PDZRN3: variants seen among roughly 807,000 people sequenced by gnomAD.
PDZRN3 encodes the protein E3 ubiquitin-protein ligase PDZRN3.
Under a neutral mutation model 85.7 loss-of-function variants are expected in PDZRN3, and 38 were observed. The observed-to-expected ratio is 0.44, with a 90% confidence interval of 0.34 to 0.58. The LOEUF (loss-of-function observed/expected upper bound fraction) is 0.58. Ranked by LOEUF, PDZRN3 falls within the 20% of genes least tolerant of loss-of-function variation. The pLI, the probability that PDZRN3 is intolerant of heterozygous loss-of-function variation, is 0.01. For missense variants in PDZRN3, 1,629 were observed against 1,506.4 expected, an observed-to-expected ratio of 1.08 and a Z score of -1.35; for synonymous variants, 759 against 638.0, an observed-to-expected ratio of 1.19 and a Z score of -2.86.
chr3:73,509,503 C>T (rs4676929), intron 3 of PDZRN3, among the ~76,000 whole-genome samples: 144,325 of 152,264 alleles, frequency 0.95, 68,866 homozygotes, highest in Non-Finnish European at 1. Flanking sequence ...GAGATGGTGG[C>T]TCATGTCCCT....
rs1247844103 is a variant in PDZRN3, at chr3:73,624,864, G to A, written c.-39C>T. ...CCCCGGGGTCGCCGCCGGGCGGCCG[G>A]GCGCCCCCTCCCTCCCCACGAGGCG... On this transcript the variant is annotated 5_prime_UTR_variant, in exon 1 of 10. Coordinates refer to ENST00000263666, the MANE Select transcript of PDZRN3 (RefSeq NM_015009.3). The A allele has an allele frequency of 2.6e-5, 33 of 1,266,290 alleles. No homozygotes were observed. Among genetic ancestry groups the A allele is most frequent in the Non-Finnish European group, 3.1e-5 (31 of 1,008,432 alleles). The allele number at this position is 1,266,290 out of a possible 1,614,324, so 78.4% of individuals were successfully genotyped here.
chr3:73,515,911 T>A (rs1452637975), intron 3 of PDZRN3, among the ~76,000 whole-genome samples: 4 of 152,098 alleles, frequency 2.6e-5, no homozygotes, highest in Admixed American at 2.6e-4. Context: ...GTCCCCAAAG[T>A]TTAACTACTG....
intron 3 of PDZRN3, among the ~76,000 whole-genome samples, chr3:73,495,881 G>T (rs1327149945): frequency 1.3e-5 from 2 of 152,170 alleles, no homozygotes; most frequent in South Asian, 2.1e-4. Context: ...TTTAAGGAAG[G>T]TTGCCTAATT....
chr3:73,624,277 C>A lies in PDZRN3; in HGVS notation c.549G>T (p.Ala183=), dbSNP rs780992518. Residue 183 remains alanine (A), a synonymous_variant, in exon 1 of 10, where the codon GCG becomes GCT. Transcript: ENST00000263666. ...LQARLGALHK[A]LKKEALRAGK... The stretch of plus-strand genomic sequence containing the variant: ...CAGCGCGCAGCGCCTCCTTCTTGAG[C>A]GCCTTGTGCAGCGCGCCCAGGCGGG... The A allele has an allele frequency of 2.9e-6, 4 of 1,391,282 alleles. No individual in the cohort carries two copies. Among genetic ancestry groups the A allele is most frequent in the Non-Finnish European group, 3.7e-6 (4 of 1,079,988 alleles). 86.2% of individuals were successfully genotyped at this position (1,391,282 alleles called of 1,614,324 possible). A position where few individuals can be genotyped will look rare whatever the true frequency, so the allele number is the denominator to read the frequency against.
At chr3:73,426,693 T>C (rs891873125) in intron 3 of PDZRN3, among the ~76,000 whole-genome samples, 1 of 152,170 alleles carries the variant, frequency 6.6e-6, no homozygotes, top group Non-Finnish European at 1.5e-5. Context: ...ATACAGAACA[T>C]AGGCTCCTAA....
chr3:73,565,589 C>G (rs1462421713), intron 3 of PDZRN3, among the ~76,000 whole-genome samples: 2 of 152,116 alleles, frequency 1.3e-5, no homozygotes, highest in African/African-American at 4.8e-5. Context: ...TTCCACTACG[C>G]CCTGGGAAGT....
intron 2 of PDZRN3, among the ~76,000 whole-genome samples, chr3:73,607,746 G>A (rs1474062116): frequency 6.6e-6 from 1 of 151,302 alleles, no homozygotes; most frequent in Non-Finnish European, 1.5e-5. Flanking sequence ...GTATTCACTT[G>A]TTTCTTGTCT....
chr3:73,493,168 C>G (rs1004365944), intron 3 of PDZRN3, among the ~76,000 whole-genome samples: 2 of 151,936 alleles, frequency 1.3e-5, no homozygotes, highest in Non-Finnish European at 1.5e-5. Flanking sequence ...CAGGTGAGGG[C>G]TCTTTCAAGC....
intron 3 of PDZRN3, among the ~76,000 whole-genome samples, chr3:73,584,429 A>AGTTAAGTG (rs71126882): frequency 0.69 from 103,529 of 150,042 alleles, 36,367 homozygotes; most frequent in South Asian, 0.78. Context: ...TTCCAGCACA[A>AGTTAAGTG]GTTAAGTGGT....
chr3:73,570,840 G>T (rs1044812539), intron 3 of PDZRN3, among the ~76,000 whole-genome samples: 1 of 152,142 alleles, frequency 6.6e-6, no homozygotes, highest in Non-Finnish European at 1.5e-5. Context: ...CTGGACTCAT[G>T]CCTTCCAAGA....
At chr3:73,491,183 C>T (rs1010564974) in intron 3 of PDZRN3, among the ~76,000 whole-genome samples, 2 of 152,194 alleles carry the variant, frequency 1.3e-5, no homozygotes, top group Admixed American at 6.5e-5. Context: ...TATTTTAAAT[C>T]GGTGAAGTTC....
At chr3:73,543,292 C>T (rs931558384) in intron 3 of PDZRN3, among the ~76,000 whole-genome samples, 2 of 152,214 alleles carry the variant, frequency 1.3e-5, no homozygotes, top group Admixed American at 1.3e-4. Context: ...CCCAAGAGCA[C>T]AGCAGAACTG....
intron 3 of PDZRN3, among the ~76,000 whole-genome samples, chr3:73,473,066 A>G (rs923548672): frequency 6.6e-6 from 1 of 152,178 alleles, no homozygotes; most frequent in Non-Finnish European, 1.5e-5. Flanking sequence ...CACTGAAGAC[A>G]GTCCAAAGAT....
chr3:73,397,739 C>T (rs972245982), intron 5 of PDZRN3, among the ~76,000 whole-genome samples: 1 of 152,154 alleles, frequency 6.6e-6, no homozygotes, highest in African/African-American at 2.4e-5. Context: ...GACATCTGTC[C>T]AAAACTGCCA....
chr3:73,594,333 A>G (rs1702403136), intron 3 of PDZRN3, among the ~76,000 whole-genome samples: 2 of 151,778 alleles, frequency 1.3e-5, no homozygotes, highest in Admixed American at 1.3e-4. Flanking sequence ...ATACTTGCTG[A>G]TATACATAAA....
intron 3 of PDZRN3, among the ~76,000 whole-genome samples, chr3:73,511,455 G>A (rs1704163374): frequency 6.6e-6 from 1 of 152,162 alleles, no homozygotes; most frequent in Non-Finnish European, 1.5e-5. Flanking sequence ...TGAACGTGGT[G>A]GGATTTCACA....
At chr3:73,409,048 T>G (rs1400025835) in intron 3 of PDZRN3, among the ~76,000 whole-genome samples, 1 of 152,190 alleles carries the variant, frequency 6.6e-6, no homozygotes, top group Non-Finnish European at 1.5e-5. Flanking sequence ...ATGGAATGTT[T>G]TGGAACAAGA....
chr3:73,423,299 G>A (rs1165112253), intron 3 of PDZRN3, among the ~76,000 whole-genome samples: 1 of 152,176 alleles, frequency 6.6e-6, no homozygotes, highest in African/African-American at 2.4e-5. Context: ...CTAATGTTAT[G>A]TGCCACAACC....
chr3:73,570,724 C>A (rs1465709464), intron 3 of PDZRN3, among the ~76,000 whole-genome samples: 1 of 152,052 alleles, frequency 6.6e-6, no homozygotes, highest in South Asian at 2.1e-4. Flanking sequence ...CGTATGAGCC[C>A]CCATCCATGT....
Sources: gnomAD v4.1 joint callset for allele counts (sites outside exome capture counted in the v4.1 genomes callset) on GRCh38, gnomAD v4.1.1 for gene constraint, MANE v1.5 for transcripts, NCBI Gene and HGNC (gene_info 2026-07-23, HGNC 2026-07-21) for gene names.